Variants in NELFB observed in about 807,000 individuals in gnomAD.
NELFB encodes negative elongation factor B.
In NELFB, 34 loss-of-function variants were observed where a neutral mutation model predicts 60.2. The ratio of observed to expected loss-of-function variants is 0.56; its 90% CI spans 0.43 to 0.75. NELFB has a LOEUF of 0.75. NELFB is among the 30% of genes least tolerant of loss of function. The pLI, the probability that NELFB is intolerant of heterozygous loss-of-function variation, is 0.00. For synonymous variants in NELFB, 459 were observed against 382.1 expected, an observed-to-expected ratio of 1.20 and a Z score of -2.35; for missense variants, 770 against 831.6, an observed-to-expected ratio of 0.93 and a Z score of 0.91.
intron 7 of NELFB, 97 bp from the exon 8 acceptor site, chr9:137,266,234 G>A: frequency 9.2e-7 from 1 of 1,088,342 alleles, no homozygotes; most frequent in Non-Finnish European, 1.3e-6. Context: ...CTGGCCATGG[G>A]CACCAGAGAT....
Position 137,272,148 on chromosome 9 carries a change from G to A in NELFB, c.1557G>A (p.Leu519=). ...ACCTGCTCACGGGCAACCTTGCGCT[G>A]CTGGCCGACGAATTTGCCCTTGAGG... The change falls in exon 11 of 13, where the codon CTG becomes CTA. Residue 519 remains leucine, a synonymous_variant. Transcript: ENST00000343053. 1 of 1,614,220 alleles carries A rather than the reference G, an allele frequency of 6.2e-7. No homozygotes were observed. The highest frequency in any genetic ancestry group is 8.5e-7 in the Non-Finnish European group (1 of 1,180,030).
At chr9:137,272,695 G>A (rs1234191476) in intron 12 of NELFB, 80 bp downstream of exon 12, 45 of 1,527,244 alleles carry the variant, frequency 2.9e-5, no homozygotes, top group Admixed American at 8.1e-5. Context: ...CCCTTGTGGT[G>A]CTTGTGTGTG....
Position 137,256,880 on chromosome 9 carries a change from C to T in NELFB, c.567C>T (p.Cys189=), listed in dbSNP as rs546280783. ...CTGACAAGGAGCTGTATCGAGCCTGCGCCGTGGAGGTGAAGCGGCAGATCT... is the reference window on the plus strand; with the variant it reads ...CTGACAAGGAGCTGTATCGAGCCTGTGCCGTGGAGGTGAAGCGGCAGATCT... Residue 189 remains cysteine (C), a synonymous_variant, in exon 4 of 13, where the codon TGC becomes TGT. Transcript: ENST00000343053. The T allele has an allele frequency of 1.4e-5, 22 of 1,614,196 alleles. No individual in the cohort carries two copies. The highest frequency in any genetic ancestry group is 2.7e-5 in the African/African-American group (2 of 75,066).
At chr9:137,260,834 G>A (rs1015473602) in intron 4 of NELFB, among the ~76,000 whole-genome samples, 3 of 151,864 alleles carry the variant, frequency 2.0e-5, no homozygotes, top group African/African-American at 7.3e-5. Flanking sequence ...GCAGAGGTGG[G>A]TGGATCACGA....
In NELFB at chr9:137,267,346, G is replaced by T. The variant is rs138777545; in HGVS notation, c.1489G>T (p.Val497Leu). 34 of 1,604,154 alleles carry T rather than the reference G, an allele frequency of 2.1e-5. No individual in the cohort carries two copies. Among genetic ancestry groups the T allele is most frequent in the Non-Finnish European group, 2.8e-5 (33 of 1,175,696 alleles). ...GCTCCTCCGCCTGCTGCCCGGGCTG[G>T]GTAAGTCCTGACGGGCGGTGCCTGG... is the stretch of plus-strand genomic sequence containing the variant. The change falls in exon 10 of 13, where the codon GTG (valine) becomes TTG (leucine). Residue 497 changes from valine to leucine, a missense_variant and splice_region_variant. By Grantham distance (32) the Val-to-Leu change is conservative. Transcript: ENST00000343053.
At position 137,266,437 on chromosome 9, in the gene NELFB, T is replaced by A. The variant is rs747499497; in HGVS notation, c.1239+11T>A. On this transcript the variant is annotated intron_variant, in intron 8 of 12. Transcript: ENST00000343053. The stretch of plus-strand genomic sequence containing the variant: ...AAGGAGCCCAAGATGGTAACGAGCC[T>A]CCTGTGGGGGCTGCCAGTTTCCTAC... 3.1e-6 allele frequency: 5 copies of A among 1,606,630 alleles called. No homozygotes were observed. Among genetic ancestry groups the A allele is most frequent in the Non-Finnish European group, 4.3e-6 (5 of 1,174,836 alleles).
intron 4 of NELFB, among the ~76,000 whole-genome samples, chr9:137,257,800 CTTTTTTTCTT>C (rs56045449): frequency 0.68 from 101,521 of 148,994 alleles, 35,296 homozygotes; most frequent in Admixed American, 0.77. Flanking sequence ...CCGTGCCTGG[CTTTTTTTCTT>C]TTTTTTTCTT....
Position 137,255,518 on chromosome 9 carries a change from G to A in NELFB, c.153G>A (p.Ala51=), listed in dbSNP as rs1182228266. The change falls in exon 1 of 13, where the codon GCG becomes GCA. Residue 51 remains alanine, a synonymous_variant. Transcript: ENST00000343053. ...TGGCCGGGGCCTCGGCCATGTTCGC[G>A]GGGCTGCAGGACCTGGGCGTGGCCA... The A allele has an allele frequency of 6.5e-7, 1 of 1,538,342 alleles. No individual in the cohort carries two copies.
chr9:137,255,953 T>G lies in NELFB; in HGVS notation c.293T>G (p.Phe98Cys). The change falls in exon 2 of 13, where the codon TTC (phenylalanine) becomes TGC (cysteine). Residue 98 changes from phenylalanine (F) to cysteine (C), a missense_variant. By Grantham distance (205) the Phe-to-Cys change is radical. Transcript: ENST00000343053. ...CCATCTCTTCAGTCAGCCCTCCCCT[T>G]CTTGGACCTGCACGGGACGCCGCGG... 6.2e-7 allele frequency: 1 copy of G among 1,614,024 alleles called. No individual in the cohort carries two copies. The highest frequency in any genetic ancestry group is 8.5e-7 in the Non-Finnish European group (1 of 1,180,016).
intron 5 of NELFB, among the ~76,000 whole-genome samples, chr9:137,264,038 T>C (rs1392403859): frequency 6.6e-6 from 1 of 152,332 alleles, no homozygotes; most frequent in South Asian, 2.1e-4. Flanking sequence ...AGAAACATCA[T>C]CACTTTCTCC....
Position 137,255,401 on chromosome 9 carries a change from G to T in NELFB, c.36G>T (p.Ser12=). The T allele has an allele frequency of 1.1e-6, 1 of 892,266 alleles. No homozygotes were observed. Among genetic ancestry groups the T allele is most frequent in the Non-Finnish European group, 1.5e-6 (1 of 656,746 alleles). 55.3% of individuals were successfully genotyped at this position (892,266 alleles called of 1,614,324 possible). The change falls in exon 1 of 13, where the codon TCG becomes TCT. Residue 12 remains serine (S), a synonymous_variant. Transcript: ENST00000343053. ...TGGAGGGCGCCGGGGAGCGGGGCTCGGGCGGTCCCCGAGGCCCGGCGGAGC... is the reference window on the plus strand; with the variant it reads ...TGGAGGGCGCCGGGGAGCGGGGCTCTGGCGGTCCCCGAGGCCCGGCGGAGC...
chr9:137,272,462 C>T (rs374575596), intron 11 of NELFB, 45 bp from the exon 12 acceptor site: 4 of 1,563,130 alleles, frequency 2.6e-6, no homozygotes, highest in Non-Finnish European at 3.5e-6. Flanking sequence ...CCTGGGCAGA[C>T]AGCAGGGCCT....
intron 4 of NELFB, among the ~76,000 whole-genome samples, 200 bp downstream of exon 4, chr9:137,257,254 C>T (rs963907227): frequency 4.6e-5 from 7 of 152,270 alleles, no homozygotes. Flanking sequence ...TTTTACTTTT[C>T]GTTAAAGTGA....
In NELFB at chr9:137,265,031, C is replaced by CTTT. The variant is rs60479210; in HGVS notation, c.1040+695_1040+697dup. On this transcript the variant is annotated intron_variant, in intron 6 of 12. Transcript: ENST00000343053. ...CCTGCCTTTGCCACTTTTTTTCTTC[C>CTTT]TTTTTTTTTTTTTTTTTTTTTTTCT... Among the ~76,000 whole-genome samples, 252 of 126,144 alleles carry CTTT rather than the reference C, an allele frequency of 2.0e-3. 4 individuals carry two copies. The highest frequency in any genetic ancestry group is 8.9e-3 in the East Asian group (33 of 3,690). 82.8% of individuals were successfully genotyped at this position (126,144 alleles called of 152,430 possible). A position where few individuals can be genotyped will look rare whatever the true frequency, so the allele number is the denominator to read the frequency against.
rs150365696 is a variant in NELFB, at chr9:137,255,996, G to C, written c.336G>C (p.Ser112=). 1.2e-6 allele frequency: 2 copies of C among 1,613,808 alleles called. No homozygotes were observed. The highest frequency in any genetic ancestry group is 1.3e-5 in the African/African-American group (1 of 74,928). Residue 112 remains serine (S), a synonymous_variant, in exon 2 of 13, where the codon TCG becomes TCC. Coordinates refer to ENST00000343053, the MANE Select transcript of NELFB (RefSeq NM_015456.5). Reference sequence around the variant, plus strand: ...CGCCGCGGCTGGAGTTCCACCAGTCGGTATTCGATGAGCTGCGGGACAAGC... The same window carrying C: ...CGCCGCGGCTGGAGTTCCACCAGTCCGTATTCGATGAGCTGCGGGACAAGC...
Position 137,272,572 on chromosome 9 carries a change from C to CT in NELFB, c.1698dup (p.Lys567Ter). 1 of 1,610,292 alleles carries CT rather than the reference C, an allele frequency of 6.2e-7. No homozygotes were observed. The highest frequency in any genetic ancestry group is 8.5e-7 in the Non-Finnish European group (1 of 1,178,830). The stretch of plus-strand genomic sequence containing the variant: ...CACCTGCACCCCAGGGTGGCCCCGT[C>CT]TAAGCTGGAGGCGTTGCAGAAGGCC... On this transcript the variant is annotated frameshift_variant, in exon 12 of 13. Coordinates refer to ENST00000343053, the MANE Select transcript of NELFB (RefSeq NM_015456.5). LOFTEE classifies it high-confidence loss of function.
At position 137,272,100 on chromosome 9, in the gene NELFB, G is replaced by C. The variant is rs772876527; in HGVS notation, c.1509G>C (p.Leu503Phe). Reference sequence around the variant, plus strand: ...CTGCAGTGGAGACCTTTGGCGACTTGGCCTTTGGCGACATCTTCCTCCACC... The same window carrying C: ...CTGCAGTGGAGACCTTTGGCGACTTCGCCTTTGGCGACATCTTCCTCCACC... The change falls in exon 11 of 13, where the codon TTG becomes TTC. Residue 503 changes from leucine (L) to phenylalanine (F), a missense_variant. By Grantham distance (22) the Leu-to-Phe change is conservative. Coordinates refer to ENST00000343053, the MANE Select transcript of NELFB (RefSeq NM_015456.5). The C allele has an allele frequency of 6.2e-7, 1 of 1,614,158 alleles. No homozygotes were observed. Among genetic ancestry groups the C allele is most frequent in the South Asian group, 1.1e-5 (1 of 91,086 alleles).
rs1830516788 is a variant in NELFB, at chr9:137,266,314, G to A, written c.1144-17G>A. The stretch of plus-strand genomic sequence containing the variant: ...CACAGCTGCCTGGGAGAGGCGCTGA[G>A]CCCGTCCTCCCTACAGGACAGCCCC... On this transcript the variant is annotated splice_polypyrimidine_tract_variant and intron_variant, in intron 7 of 12. Transcript: ENST00000343053. 3 of 1,607,416 alleles carry A rather than the reference G, an allele frequency of 1.9e-6. No individual in the cohort carries two copies. Among genetic ancestry groups the A allele is most frequent in the Non-Finnish European group, 2.6e-6 (3 of 1,176,400 alleles).
At chr9:137,258,116 G>A in intron 4 of NELFB, among the ~76,000 whole-genome samples, 1 of 120,444 alleles carries the variant, frequency 8.3e-6, no homozygotes, top group Non-Finnish European at 1.7e-5. Context: ...AGATTTGTTG[G>A]GGTTTTTTTT....
Sources: allele counts gnomAD v4.1 joint callset (sites outside exome capture counted in the v4.1 genomes callset), GRCh38; gene constraint gnomAD v4.1.1; transcripts MANE v1.5; gene names NCBI Gene and HGNC (gene_info 2026-07-23, HGNC 2026-07-21).